The following OCA2 variants were observed in gnomAD, a reference collection of about 807,000 sequenced individuals.
OCA2 encodes OCA2 melanosomal transmembrane protein, also known as P protein.
In OCA2, 77 loss-of-function variants were observed where a neutral mutation model predicts 100.2. The observed-to-expected ratio is 0.77, with a 90% CI of 0.64 to 0.93. OCA2 has a LOEUF of 0.93. Ranked by LOEUF, OCA2 falls within the 40% of genes least tolerant of loss-of-function variation. The pLI, the probability that OCA2 is intolerant of heterozygous loss-of-function variation, is 0.00. For missense variants in OCA2, 1,062 were observed against 1,089.1 expected (o/e 0.98, Z 0.35); for synonymous variants, 432 against 439.2 (o/e 0.98, Z 0.21).
Position 27,755,029 on chromosome 15 carries a change from T to C in OCA2, c.*359A>G, listed in dbSNP as rs963705750. The C allele has an allele frequency of 3.5e-6, 1 of 286,568 alleles. No homozygotes were observed. Among genetic ancestry groups the C allele is most frequent in the African/African-American group, 2.2e-5 (1 of 46,384 alleles). The allele number at this position is 286,568 out of a possible 1,614,324, so 17.8% of individuals were successfully genotyped here. ...CAAGAAAAACAAACTGTGTTTAGCC[T>C]CAGGAGAATTGACAGTTAAACAGTA... On this transcript the variant is annotated 3_prime_UTR_variant, in exon 24 of 24. Coordinates refer to ENST00000354638, the MANE Select transcript of OCA2 (RefSeq NM_000275.3).
At chr15:27,734,769 AC>A in the OCA2 span, among the ~76,000 whole-genome samples, 3 of 152,070 alleles carry the variant, frequency 2.0e-5, no homozygotes, top group African/African-American at 7.2e-5. Flanking sequence ...AGTCAGGTCC[AC>A]CCCCACACCA....
rs559578351 is a variant in OCA2, at chr15:27,990,010, G to A, written c.1117-344C>T. Among the ~76,000 whole-genome samples, 8 of 152,230 alleles carry A rather than the reference G, an allele frequency of 5.3e-5. No homozygotes were observed. The South Asian group carries it at 1.7e-3, about 32-fold the overall frequency. On this transcript the variant is annotated intron_variant, in intron 10 of 23. Transcript: ENST00000354638. ...GAGACCAGATGACAGGAACTGGCAT[G>A]GCAGCTGTCCCACTCTCAGCTGGGT...
chr15:27,802,619 C>T (rs1185738717), intron 23 of OCA2, among the ~76,000 whole-genome samples: 1 of 152,048 alleles, frequency 6.6e-6, no homozygotes, highest in African/African-American at 2.4e-5. Context: ...TAGAAATAAA[C>T]TCACATACAT....
intron 23 of OCA2, among the ~76,000 whole-genome samples, chr15:27,768,855 T>C (rs1033983182): frequency 3.3e-5 from 5 of 152,234 alleles, no homozygotes; most frequent in Admixed American, 6.5e-5. Flanking sequence ...CTTCAAAGGC[T>C]GGCCTGTTTC....
At chr15:27,804,504 T>C (rs576314022) in intron 23 of OCA2, among the ~76,000 whole-genome samples, 3 of 152,198 alleles carry the variant, frequency 2.0e-5, no homozygotes, top group Non-Finnish European at 4.4e-5. Flanking sequence ...AATCATTTCT[T>C]AGGAATATAA....
intron 19 of OCA2, among the ~76,000 whole-genome samples, chr15:27,880,703 G>GTT (rs2036979998): frequency 6.6e-6 from 1 of 152,104 alleles, no homozygotes; most frequent in African/African-American, 2.4e-5. Context: ...CTTGCACATT[G>GTT]TTTTTGTATC....
chr15:28,082,472 C>T (rs1016494798), intron 1 of OCA2, among the ~76,000 whole-genome samples: 2 of 152,168 alleles, frequency 1.3e-5, no homozygotes, highest in African/African-American at 2.4e-5. Flanking sequence ...CAGAAGGAAC[C>T]AACTCCGGAC....
intron 19 of OCA2, among the ~76,000 whole-genome samples, chr15:27,901,003 G>A (rs906136446): frequency 1.3e-5 from 2 of 152,182 alleles, no homozygotes; most frequent in East Asian, 3.9e-4. Flanking sequence ...TGGAAGCCGG[G>A]GCTATAGCAG....
In OCA2 at chr15:28,069,355, G is replaced by T. The variant is rs182903984; in HGVS notation, c.227+12293C>A. On this transcript the variant is annotated intron_variant, in intron 2 of 23. Transcript: ENST00000354638. Reference sequence around the variant, plus strand: ...TAGCCACAAAGAAAATGAAACACCTGCCCTCTCCCTCTCCCTCTCCCTCTC... The same window carrying T: ...TAGCCACAAAGAAAATGAAACACCTTCCCTCTCCCTCTCCCTCTCCCTCTC... Among the ~76,000 whole-genome samples, 71 of 26,830 alleles carry T rather than the reference G, an allele frequency of 2.6e-3. 1 individual carries two copies. The highest frequency in any genetic ancestry group is 5.8e-3 in the African/African-American group (68 of 11,794). The allele number at this position is 26,830 out of a possible 152,430, so 17.6% of individuals were successfully genotyped here. A position where few individuals can be genotyped will look rare whatever the true frequency, so the allele number is the denominator to read the frequency against.
chr15:27,725,297 C>T, the OCA2 span, among the ~76,000 whole-genome samples: 39 of 152,370 alleles, frequency 2.6e-4, no homozygotes, highest in African/African-American at 8.2e-4. Context: ...CCTTCCTTGA[C>T]CGGGCATGGT....
At chr15:27,810,489 A>AAT (rs2034032817) in intron 23 of OCA2, among the ~76,000 whole-genome samples, 3 of 152,248 alleles carry the variant, frequency 2.0e-5, no homozygotes, top group African/African-American at 7.2e-5. Flanking sequence ...AATGTGACAA[A>AAT]AATGAAAGTA....
intron 19 of OCA2, among the ~76,000 whole-genome samples, chr15:27,900,168 C>T (rs2037869909): frequency 6.6e-6 from 1 of 152,164 alleles, no homozygotes; most frequent in Admixed American, 6.5e-5. Flanking sequence ...GGACTTTCCC[C>T]TCTAGAGAGC....
At chr15:28,021,933 A>T (rs2042607770) in intron 6 of OCA2, among the ~76,000 whole-genome samples, 1 of 152,122 alleles carries the variant, frequency 6.6e-6, no homozygotes, top group Admixed American at 6.5e-5. Context: ...GCAACCGCAA[A>T]CCTCAACACA....
chr15:27,993,921 TAGA>T (rs1231999843), intron 9 of OCA2, among the ~76,000 whole-genome samples: 1 of 152,180 alleles, frequency 6.6e-6, no homozygotes, highest in African/African-American at 2.4e-5. Flanking sequence ...TACATGGTTG[TAGA>T]AGAAGATGAG....
rs768575832 is a variant in OCA2, at chr15:28,081,630, G to A, written c.227+18C>T. ...GTGTGAAGTCCACATTTACAAGATG[G>A]CACTATTTTAAACTCACCTCCCTTT... On this transcript the variant is annotated intron_variant, in intron 2 of 23. Coordinates refer to ENST00000354638, the MANE Select transcript of OCA2 (RefSeq NM_000275.3). The A allele has an allele frequency of 6.2e-7, 1 of 1,603,208 alleles. No homozygotes were observed. Among genetic ancestry groups the A allele is most frequent in the South Asian group, 1.1e-5 (1 of 90,456 alleles).
At chr15:27,887,972 A>C (rs2037301590) in intron 19 of OCA2, among the ~76,000 whole-genome samples, 1 of 151,998 alleles carries the variant, frequency 6.6e-6, no homozygotes, top group Admixed American at 6.5e-5. Flanking sequence ...CACACCTGGG[A>C]TCTCAGGCCA....
intron 23 of OCA2, among the ~76,000 whole-genome samples, chr15:27,758,602 G>A (rs1289028910): frequency 6.6e-6 from 1 of 152,034 alleles, no homozygotes; most frequent in African/African-American, 2.4e-5. Context: ...AAACACACTT[G>A]AAATAAGTGA....
At chr15:28,002,091 T>C (rs985454022) in intron 9 of OCA2, among the ~76,000 whole-genome samples, 1 of 152,086 alleles carries the variant, frequency 6.6e-6, no homozygotes, top group Non-Finnish European at 1.5e-5. Context: ...AATGCTAAAA[T>C]ATATGGCAAG....
At chr15:28,000,522 C>G (rs2041894114) in intron 9 of OCA2, among the ~76,000 whole-genome samples, 1 of 152,130 alleles carries the variant, frequency 6.6e-6, no homozygotes, top group South Asian at 2.1e-4. Flanking sequence ...GAAGAAAACA[C>G]AGGAGAAAAG....
Sources: allele counts gnomAD v4.1 joint callset (sites outside exome capture counted in the v4.1 genomes callset), GRCh38; gene constraint gnomAD v4.1.1; transcripts MANE v1.5; gene names NCBI Gene and HGNC (gene_info 2026-07-23, HGNC 2026-07-21).